NBDY: variants seen among roughly 807,000 people sequenced by gnomAD.
NBDY encodes the protein P-body dissociating protein.
chrX:56,760,047 G>A (rs758224182), intron 2 of NBDY, among the ~76,000 whole-genome samples: 10 of 112,587 alleles, frequency 8.9e-5, no homozygotes, highest in Non-Finnish European at 1.3e-4. Flanking sequence ...GGGTGTCTCT[G>A]CCCACTGGGT....
intron 2 of NBDY, among the ~76,000 whole-genome samples, chrX:56,784,227 C>T (rs1478484598): frequency 8.9e-6 from 1 of 112,333 alleles, no homozygotes; most frequent in Non-Finnish European, 1.9e-5. Flanking sequence ...AGCACTCTTC[C>T]TCTTGGGGAA....
intron 2 of NBDY, among the ~76,000 whole-genome samples, chrX:56,756,529 TA>T (rs1169819658): frequency 9.1e-6 from 1 of 110,259 alleles, no homozygotes; most frequent in Non-Finnish European, 1.9e-5. Context: ...GATCAGGTTA[TA>T]AAAAAAGAGT....
chrX:56,791,347 T>C (rs1422098260), intron 2 of NBDY, among the ~76,000 whole-genome samples: 1 of 112,050 alleles, frequency 8.9e-6, no homozygotes, highest in Non-Finnish European at 1.9e-5. Flanking sequence ...TTCTGCTCTG[T>C]CTCCGTATTG....
At chrX:56,765,542 C>T (rs1004510860) in intron 2 of NBDY, among the ~76,000 whole-genome samples, 1 of 111,793 alleles carries the variant, frequency 8.9e-6, no homozygotes, top group Non-Finnish European at 1.9e-5. Flanking sequence ...GAAGTGGCTC[C>T]GTGCCCCTCG....
intron 2 of NBDY, among the ~76,000 whole-genome samples, chrX:56,812,509 T>G (rs1323581125): frequency 1.8e-5 from 2 of 110,527 alleles, no homozygotes; most frequent in Non-Finnish European, 1.9e-5. Context: ...AGGGACTTGA[T>G]GGCCCCTTGA....
rs1367100175 is a variant in NBDY at position 56,819,132 on chromosome X, A to C, written c.*1979A>C. ...ATAGAATAAATTTTTGTGACCTTGA[A>C]TTAAGTATTAGATTTTTAATTCTTA... On this transcript the variant is annotated 3_prime_UTR_variant, in exon 3 of 3. Transcript: ENST00000374922. 1 of 111,210 alleles carries C rather than the reference A, an allele frequency of 9.0e-6. No individual in the cohort carries two copies. Among genetic ancestry groups the C allele is most frequent in the East Asian group, 2.8e-4 (1 of 3,594 alleles). 9.2% of individuals were successfully genotyped at this position (111,210 alleles called of 1,213,427 possible).
rs1182254671 is a variant in NBDY at position 56,792,993 on chromosome X, TGGCCTTCCTCA to T, written c.*167-24325_*167-24315del. Among the ~76,000 whole-genome samples, 9 of 111,646 alleles carry T rather than the reference TGGCCTTCCTCA, an allele frequency of 8.1e-5. No homozygotes were observed. In the South Asian group the frequency reaches 3.4e-3, roughly 42 times the overall value. On this transcript the variant is annotated intron_variant, in intron 2 of 2. Transcript: ENST00000374922. ...TGCCATGAGAATCTGTGGCACGTGGTGGCCTTCCTCAGCCTCCCTGAGCCACCATCCTCCCA... is the reference window on the plus strand; with the variant it reads ...TGCCATGAGAATCTGTGGCACGTGGTGCCTCCCTGAGCCACCATCCTCCCA...
At chrX:56,789,051 G>A (rs1291649369) in intron 2 of NBDY, among the ~76,000 whole-genome samples, 2 of 112,727 alleles carry the variant, frequency 1.8e-5, no homozygotes, top group Non-Finnish European at 3.8e-5. Context: ...CTGTGGCTCC[G>A]CAAATGGCAG....
rs187788120 is a variant in NBDY, at chrX:56,732,061, A to G, written c.*30-2A>G. On this transcript the variant is annotated splice_acceptor_variant, in intron 1 of 2. Transcript: ENST00000374922. LOFTEE classifies it low-confidence loss of function (3UTR_SPLICE). The stretch of plus-strand genomic sequence containing the variant: ...GCCACAATATTTTTTACTATTTTTC[A>G]GTCTTTGAGTGATTGCAGTATGACT... 1.8e-3 allele frequency: 518 copies of G among 294,896 alleles called. 2 individuals carry two copies. Among genetic ancestry groups the G allele is most frequent in the African/African-American group, 0.012 (441 of 36,471 alleles). The allele number at this position is 294,896 out of a possible 1,213,427, so 24.3% of individuals were successfully genotyped here. A position where few individuals can be genotyped will look rare whatever the true frequency, so the allele number is the denominator to read the frequency against.
rs2069923831 is a variant in NBDY, at chrX:56,819,036, A to C, written c.*1883A>C. On this transcript the variant is annotated 3_prime_UTR_variant, in exon 3 of 3. Transcript: ENST00000374922. ...CTTCCACCCCTACCTCATGCAAAAT[A>C]CAAAAATTAACTCAAAATAGGCCAA... 1.8e-5 allele frequency: 2 copies of C among 110,044 alleles called. No individual in the cohort carries two copies. Among genetic ancestry groups the C allele is most frequent in the Admixed American group, 1.9e-4 (2 of 10,278 alleles). The allele number at this position is 110,044 out of a possible 1,213,427, so 9.1% of individuals were successfully genotyped here.
chrX:56,794,158 G>A (rs1049365302), intron 2 of NBDY, among the ~76,000 whole-genome samples: 7 of 112,030 alleles, frequency 6.2e-5, no homozygotes, highest in Non-Finnish European at 1.3e-4. Flanking sequence ...CGGCAGGTAC[G>A]CTTTGTTCTA....
intron 2 of NBDY, 136 bp from the exon 3 acceptor site, chrX:56,817,184 A>G (rs933234179): frequency 2.7e-5 from 3 of 112,156 alleles, no homozygotes; most frequent in African/African-American, 9.7e-5. Flanking sequence ...GCACTCATCT[A>G]ATAATTTTGC....
intron 2 of NBDY, among the ~76,000 whole-genome samples, chrX:56,781,692 G>A (rs1277925188): frequency 1.8e-5 from 2 of 111,882 alleles, no homozygotes; most frequent in Non-Finnish European, 3.8e-5. Flanking sequence ...CAGCCAAGAA[G>A]GCAGGGTCAG....
At chrX:56,745,633 T>G (rs765760301) in intron 2 of NBDY, among the ~76,000 whole-genome samples, 1 of 111,351 alleles carries the variant, frequency 9.0e-6, no homozygotes, top group East Asian at 2.8e-4. Context: ...CCTTTATAGC[T>G]TTTTATTTGT....
chrX:56,790,878 A>G (rs2069758502), intron 2 of NBDY, among the ~76,000 whole-genome samples: 1 of 111,842 alleles, frequency 8.9e-6, no homozygotes, highest in Non-Finnish European at 1.9e-5. Flanking sequence ...CTCACTTCCC[A>G]ATATTTGCTG....
intron 2 of NBDY, among the ~76,000 whole-genome samples, chrX:56,753,567 A>G (rs1448036018): frequency 8.9e-6 from 1 of 111,809 alleles, no homozygotes; most frequent in African/African-American, 3.3e-5. Context: ...AAAGTGGTCA[A>G]GAAGAAAATT....
At position 56,818,527 on chromosome X, in the gene NBDY, G is replaced by A. The variant is rs1381516499; in HGVS notation, c.*1374G>A. The A allele has an allele frequency of 2.7e-5, 3 of 112,032 alleles. No homozygotes were observed. Among genetic ancestry groups the A allele is most frequent in the Non-Finnish European group, 5.6e-5 (3 of 53,181 alleles). The allele number at this position is 112,032 out of a possible 1,213,427, so 9.2% of individuals were successfully genotyped here. A position where few individuals can be genotyped will look rare whatever the true frequency, so the allele number is the denominator to read the frequency against. On this transcript the variant is annotated 3_prime_UTR_variant, in exon 3 of 3. Coordinates refer to ENST00000374922, the MANE Select transcript of NBDY (RefSeq NM_001348129.2). ...TGAGCCAGGCTGAACATCACAAACA[G>A]TAAACACAGACTTCTTTAAAAGGAC...
rs1364948574 is a variant in NBDY, at chrX:56,740,210, C to G, written c.*166+8011C>G. On this transcript the variant is annotated intron_variant, in intron 2 of 2. Transcript: ENST00000374922. ...TTCAAGCTTGTCTTGTACTTCCTAC[C>G]CCATTAATCATTTCTCTATAGACCT... Among the ~76,000 whole-genome samples, 4 of 111,280 alleles carry G rather than the reference C, an allele frequency of 3.6e-5. No individual in the cohort carries two copies. In the East Asian group the frequency reaches 8.5e-4, roughly 24 times the overall value.
chrX:56,816,939 G>A (rs1453125460), intron 2 of NBDY, among the ~76,000 whole-genome samples: 1 of 111,171 alleles, frequency 9.0e-6, no homozygotes, highest in East Asian at 2.8e-4. Flanking sequence ...AAGGAATATA[G>A]GAGTTTGTCA....
Sources: allele counts gnomAD v4.1 joint callset (sites outside exome capture counted in the v4.1 genomes callset), GRCh38; gene constraint gnomAD v4.1.1; transcripts MANE v1.5; gene names NCBI Gene and HGNC (gene_info 2026-07-23, HGNC 2026-07-21).